MYO3A: variants seen among roughly 807,000 people sequenced by gnomAD.
The protein encoded by MYO3A is myosin IIIA.
Under a neutral mutation model 192.7 loss-of-function variants are expected in MYO3A, and 180 were observed. The ratio of observed to expected loss-of-function variants is 0.93; its 90% CI spans 0.83 to 1.06. The LOEUF (loss-of-function observed/expected upper bound fraction) is 1.06, where lower values mean the gene tolerates loss of function less well. MYO3A is among the 50% of genes least tolerant of loss of function. MYO3A has a pLI of 0.00. For missense variants in MYO3A, 1,896 were observed against 1,905.0 expected, an observed-to-expected ratio of 1.00 and a Z score of 0.09; for synonymous variants, 628 against 645.3, an observed-to-expected ratio of 0.97 and a Z score of 0.41.
intron 26 of MYO3A, among the ~76,000 whole-genome samples, chr10:26,165,685 A>G (rs1589064462): frequency 6.6e-6 from 1 of 152,200 alleles, no homozygotes. Context: ...TTAACACTCA[A>G]TGTGAAAAAT....
intron 23 of MYO3A, among the ~76,000 whole-genome samples, chr10:26,147,902 A>T (rs1840568623): frequency 6.6e-6 from 1 of 152,178 alleles, no homozygotes; most frequent in African/African-American, 2.4e-5. Flanking sequence ...AGGTTCCAAA[A>T]GTTTGGTGGG....
At chr10:26,022,423 G>A (rs1319071888) in intron 8 of MYO3A, 1 of 152,114 alleles carries the variant, frequency 6.6e-6, no homozygotes, top group African/African-American at 2.4e-5. Context: ...TGTGGTGACA[G>A]GGTTCCAAAA....
chr10:26,065,029 G>A (rs1398084556), intron 10 of MYO3A, among the ~76,000 whole-genome samples: 2 of 152,132 alleles, frequency 1.3e-5, no homozygotes, highest in African/African-American at 4.8e-5. Context: ...TGAAACTTGG[G>A]AGACCCCCAA....
chr10:26,114,243 G>A (rs553730684), intron 17 of MYO3A, among the ~76,000 whole-genome samples: 36 of 152,254 alleles, frequency 2.4e-4, no homozygotes, highest in African/African-American at 8.7e-4. Flanking sequence ...CCTACTTTGA[G>A]ATCTGGTCAT....
intron 4 of MYO3A, among the ~76,000 whole-genome samples, chr10:25,965,671 G>A (rs1188946435): frequency 2.0e-5 from 3 of 152,034 alleles, no homozygotes; most frequent in Non-Finnish European, 4.4e-5. Flanking sequence ...AATATATAGA[G>A]TGCAAACCTG....
intron 15 of MYO3A, among the ~76,000 whole-genome samples, chr10:26,089,674 C>T (rs1028240789): frequency 1.3e-5 from 2 of 151,616 alleles, no homozygotes; most frequent in African/African-American, 4.8e-5. Context: ...CGTTTTAATC[C>T]ACTTTGGGTA....
intron 34 of MYO3A, among the ~76,000 whole-genome samples, chr10:26,204,886 G>C (rs1033879900): frequency 6.6e-6 from 1 of 152,092 alleles, no homozygotes; most frequent in Non-Finnish European, 1.5e-5. Flanking sequence ...ACTAAGGAAG[G>C]TTACAGAGAC....
At chr10:26,164,146 T>C (rs1276068155) in intron 26 of MYO3A, among the ~76,000 whole-genome samples, 2 of 148,392 alleles carry the variant, frequency 1.3e-5, no homozygotes, top group African/African-American at 5.2e-5. Context: ...AAGTGAAGAG[T>C]GAAGAGTGAT....
intron 32 of MYO3A, among the ~76,000 whole-genome samples, chr10:26,194,983 A>AT (rs1843337966): frequency 6.6e-6 from 1 of 152,200 alleles, no homozygotes; most frequent in African/African-American, 2.4e-5. Flanking sequence ...CCATACAATT[A>AT]ACCCACCTTA....
At chr10:25,937,938 G>C (rs921850995) in intron 2 of MYO3A, among the ~76,000 whole-genome samples, 3 of 152,216 alleles carry the variant, frequency 2.0e-5, no homozygotes, top group African/African-American at 7.2e-5. Context: ...CATGTGGTCT[G>C]TAATTAAGCT....
chr10:26,023,979 C>T (rs760759622), intron 8 of MYO3A, 43 bp from the exon 9 acceptor site: 2 of 1,552,410 alleles, frequency 1.3e-6, no homozygotes, highest in East Asian at 4.5e-5. Context: ...TTTACACTGA[C>T]TGACCAATAT....
intron 15 of MYO3A, among the ~76,000 whole-genome samples, chr10:26,092,892 G>A (rs1366007702): frequency 6.6e-6 from 1 of 152,150 alleles, no homozygotes. Context: ...TCGTGACCCC[G>A]GGTAAGCTTT....
chr10:26,189,966 G>C (rs551580050), intron 31 of MYO3A, among the ~76,000 whole-genome samples: 1 of 152,144 alleles, frequency 6.6e-6, no homozygotes, highest in Non-Finnish European at 1.5e-5. Flanking sequence ...GGGAGAATGA[G>C]GCAGGAGAAT....
chr10:26,018,652 C>T (rs1439844947), intron 7 of MYO3A, among the ~76,000 whole-genome samples: 1 of 152,076 alleles, frequency 6.6e-6, no homozygotes, highest in East Asian at 1.9e-4. Context: ...AGGGAATTAG[C>T]GACTGTAGTA....
At chr10:26,088,713 A>G (rs553560647) in intron 15 of MYO3A, among the ~76,000 whole-genome samples, 1 of 152,330 alleles carries the variant, frequency 6.6e-6, no homozygotes, top group East Asian at 1.9e-4. Flanking sequence ...TTATCTATAC[A>G]AAATTAATGT....
chr10:25,964,584 G>T (rs2130677065), intron 4 of MYO3A, among the ~76,000 whole-genome samples: 1 of 152,116 alleles, frequency 6.6e-6, no homozygotes, highest in South Asian at 2.1e-4. Context: ...TATTATTTTT[G>T]ATTGGTTCAT....
chr10:25,980,477 A>G (rs77419196), intron 4 of MYO3A, among the ~76,000 whole-genome samples: 6,572 of 152,182 alleles, frequency 0.043, 177 homozygotes, highest in Middle Eastern at 0.069. Flanking sequence ...GATTCTTCTA[A>G]ATTCCACTTT....
Position 26,174,102 on chromosome 10 carries a change from TC to T in MYO3A, c.3840del (p.Phe1281LeufsTer29). 2 of 1,614,010 alleles carry T rather than the reference TC, an allele frequency of 1.2e-6. No homozygotes were observed. The highest frequency in any genetic ancestry group is 1.7e-6 in the Non-Finnish European group (2 of 1,179,944). On this transcript the variant is annotated frameshift_variant, in exon 30 of 35. Coordinates refer to ENST00000642920, the MANE Select transcript of MYO3A (RefSeq NM_017433.5). LOFTEE classifies it high-confidence loss of function. ...GCCTTGGTTAGCTGAAAATGAGACT[TC>T]CTTTAAAAAAACTTTGGAACCTACA... ...PVPWLAENET[S>X]FKKTLEPTLS...
intron 17 of MYO3A, among the ~76,000 whole-genome samples, chr10:26,097,261 C>T (rs1056579924): frequency 8.5e-5 from 13 of 152,076 alleles, no homozygotes; most frequent in African/African-American, 2.7e-4. Context: ...ACTTTACATA[C>T]AAGGGATCAT....
Sources: gnomAD v4.1 joint callset for allele counts (sites outside exome capture counted in the v4.1 genomes callset) on GRCh38, gnomAD v4.1.1 for gene constraint, MANE v1.5 for transcripts, NCBI Gene and HGNC (gene_info 2026-07-23, HGNC 2026-07-21) for gene names.